SLC8A3: variants seen among roughly 807,000 people sequenced by gnomAD.
SLC8A3 encodes solute carrier family 8 member A3.
A neutral mutation model predicts 65.4 loss-of-function variants in SLC8A3; 37 were observed. That is an observed-to-expected ratio of 0.57 (90% CI 0.44 to 0.74). The LOEUF (loss-of-function observed/expected upper bound fraction) is 0.74. Ranked by LOEUF, SLC8A3 falls within the 30% of genes least tolerant of loss-of-function variation. The pLI is 0.00. For missense variants in SLC8A3, 1,112 were observed against 1,172.1 expected, an observed-to-expected ratio of 0.95 and a Z score of 0.75; for synonymous variants, 461 against 444.5, an observed-to-expected ratio of 1.04 and a Z score of -0.47.
intron 2 of SLC8A3, among the ~76,000 whole-genome samples, chr14:70,155,524 G>A (rs539646415): frequency 2.2e-4 from 33 of 152,262 alleles, no homozygotes; most frequent in Admixed American, 1.2e-3. Flanking sequence ...CTGTGTTCGC[G>A]GGTAAATTAC....
At chr14:70,128,702 CAT>C (rs1212207159) in intron 2 of SLC8A3, among the ~76,000 whole-genome samples, 2 of 152,110 alleles carry the variant, frequency 1.3e-5, no homozygotes, top group African/African-American at 4.8e-5. Context: ...GGTTTTTGAA[CAT>C]GTTTCCTCTT....
chr14:70,146,598 TTAGAG>T (rs1204537507), intron 2 of SLC8A3, among the ~76,000 whole-genome samples: 1 of 152,160 alleles, frequency 6.6e-6, no homozygotes. Context: ...TATATATATA[TTAGAG>T]TATATTTATA....
chr14:70,154,287 T>C (rs904670975), intron 2 of SLC8A3, among the ~76,000 whole-genome samples: 1 of 152,200 alleles, frequency 6.6e-6, no homozygotes, highest in Admixed American at 6.5e-5. Context: ...AGGGCTAAAA[T>C]TTTTTTGTAT....
At chr14:70,081,072 A>G (rs1022366684) in intron 2 of SLC8A3, among the ~76,000 whole-genome samples, 4 of 152,180 alleles carry the variant, frequency 2.6e-5, no homozygotes, top group African/African-American at 4.8e-5. Flanking sequence ...AATTTATGTG[A>G]AGATGAAAGC....
chr14:70,147,243 A>G (rs943605768), intron 2 of SLC8A3, among the ~76,000 whole-genome samples: 1 of 152,234 alleles, frequency 6.6e-6, no homozygotes, highest in Non-Finnish European at 1.5e-5. Context: ...TGCTATCTGC[A>G]AGACTTTTCC....
chr14:70,108,224 A>T (rs905181169), intron 2 of SLC8A3, among the ~76,000 whole-genome samples: 2 of 152,110 alleles, frequency 1.3e-5, no homozygotes, highest in Non-Finnish European at 2.9e-5. Context: ...AACAGTGAAG[A>T]CAGACTCATT....
chr14:70,057,072 T>C (rs377335460), intron 3 of SLC8A3, among the ~76,000 whole-genome samples: 30 of 152,222 alleles, frequency 2.0e-4, no homozygotes, highest in African/African-American at 6.3e-4. Context: ...GACATGTCTG[T>C]GAATCAATTT....
At chr14:70,047,619 T>C (rs915100472) in intron 6 of SLC8A3, 1 of 152,264 alleles carries the variant, frequency 6.6e-6, no homozygotes, top group Non-Finnish European at 1.5e-5. Context: ...GAATTTGATG[T>C]GAATTCAGCT....
rs2140365644 is a variant in SLC8A3 at position 70,166,625 on chromosome 14, G to A, written c.1784+14C>T. The A allele has an allele frequency of 6.8e-7, 1 of 1,481,382 alleles. No homozygotes were observed. The highest frequency in any genetic ancestry group is 9.3e-7 in the Non-Finnish European group (1 of 1,077,918). 91.8% of individuals were successfully genotyped at this position (1,481,382 alleles called of 1,614,324 possible). On this transcript the variant is annotated intron_variant, in intron 2 of 6. Transcript: ENST00000356921. ...TGGGGTCAGGGAGGGGCAGAATACA[G>A]GAAGGTTACTTACACAGTTTCATCA...
chr14:70,113,474 A>G (rs1893449265), intron 2 of SLC8A3, among the ~76,000 whole-genome samples: 1 of 152,238 alleles, frequency 6.6e-6, no homozygotes, highest in Admixed American at 6.5e-5. Context: ...TTGTATCTAG[A>G]ACTGGCCTGA....
In SLC8A3 at chr14:70,051,086, T is replaced by C; in HGVS notation, c.2035A>G (p.Lys679Glu). ...EFKTTVDKLI[K>E]KTNLALVVGT... ...ACAACCAAGGCCAGGTTTGTCTTCT[T>C]GATCAGTTTGTCCACCGTAGTCTGT... Residue 679 changes from lysine (K) to glutamate (E), a missense_variant, in exon 5 of 7, where the codon AAG (lysine) becomes GAG (glutamate). By Grantham distance (56) the Lys-to-Glu change is moderately conservative. Transcript: ENST00000356921. 6.2e-7 allele frequency: 1 copy of C among 1,613,404 alleles called. No homozygotes were observed. The highest frequency in any genetic ancestry group is 1.3e-5 in the African/African-American group (1 of 75,032).
At chr14:70,078,116 A>G (rs1485247709) in intron 2 of SLC8A3, among the ~76,000 whole-genome samples, 1 of 152,230 alleles carries the variant, frequency 6.6e-6, no homozygotes, top group East Asian at 1.9e-4. Context: ...TACCTTTCCA[A>G]TGCCATTCAG....
intron 6 of SLC8A3, chr14:70,047,247 T>C (rs1886895016): frequency 6.6e-6 from 1 of 152,234 alleles, no homozygotes; most frequent in Non-Finnish European, 1.5e-5. Flanking sequence ...TACCTCATTA[T>C]TGCCATTTTT....
At chr14:70,147,618 G>A (rs1044846412) in intron 2 of SLC8A3, among the ~76,000 whole-genome samples, 2 of 152,156 alleles carry the variant, frequency 1.3e-5, no homozygotes, top group Non-Finnish European at 2.9e-5. Flanking sequence ...ACCTAATCAG[G>A]TGAACCCTTT....
chr14:70,133,950 G>A (rs1365707664), intron 2 of SLC8A3, among the ~76,000 whole-genome samples: 1 of 152,110 alleles, frequency 6.6e-6, no homozygotes, highest in Non-Finnish European at 1.5e-5. Flanking sequence ...ATCCCCAGGG[G>A]TCAACTTCCC....
chr14:70,124,455 C>T (rs1175833184), intron 2 of SLC8A3, among the ~76,000 whole-genome samples: 1 of 152,242 alleles, frequency 6.6e-6, no homozygotes, highest in African/African-American at 2.4e-5. Flanking sequence ...TCCATTCCCA[C>T]TATGGCCTCT....
intron 2 of SLC8A3, among the ~76,000 whole-genome samples, chr14:70,121,614 G>A (rs1482755300): frequency 6.6e-6 from 1 of 152,168 alleles, no homozygotes; most frequent in Non-Finnish European, 1.5e-5. Flanking sequence ...AATAAGGGTA[G>A]GGGGTTTGGA....
At chr14:70,082,336 G>A (rs1003097591) in intron 2 of SLC8A3, among the ~76,000 whole-genome samples, 4 of 152,188 alleles carry the variant, frequency 2.6e-5, no homozygotes, top group African/African-American at 7.2e-5. Context: ...GCACCAGGTA[G>A]GTGAAGGAAC....
chr14:70,087,052 C>T (rs1438643776), intron 2 of SLC8A3, among the ~76,000 whole-genome samples: 1 of 152,200 alleles, frequency 6.6e-6, no homozygotes, highest in Admixed American at 6.5e-5. Context: ...CTATAGGTAC[C>T]ACTATCCAAA....
Sources: allele counts gnomAD v4.1 joint callset (sites outside exome capture counted in the v4.1 genomes callset), GRCh38; gene constraint gnomAD v4.1.1; transcripts MANE v1.5; gene names NCBI Gene and HGNC (gene_info 2026-07-23, HGNC 2026-07-21).